Variants in KDM4C observed in about 807,000 individuals in gnomAD.
KDM4C encodes lysine-specific demethylase 4C.
Under a neutral mutation model 129.3 loss-of-function variants are expected in KDM4C, and 81 were observed. That is an observed-to-expected ratio of 0.63 (90% CI 0.52 to 0.75). KDM4C has a LOEUF of 0.75. KDM4C is among the 30% of genes least tolerant of loss of function. The probability of loss-of-function intolerance (pLI) is 0.00; values close to 1 mark genes in which losing one functional copy is unlikely to be tolerated. For synonymous variants in KDM4C, 573 were observed against 456.1 expected (o/e 1.26, Z -3.26); for missense variants, 1,457 against 1,304.0 (o/e 1.12, Z -1.81).
At chr9:6,772,810 A>T (rs1822166859) in intron 1 of KDM4C, among the ~76,000 whole-genome samples, 1 of 147,568 alleles carries the variant, frequency 6.8e-6, no homozygotes. Context: ...CTCCTGCCTC[A>T]GCCTCCTGAG....
At chr9:6,950,907 A>G (rs1423737970) in intron 8 of KDM4C, among the ~76,000 whole-genome samples, 1 of 152,176 alleles carries the variant, frequency 6.6e-6, no homozygotes, top group Non-Finnish European at 1.5e-5. Context: ...ACCTTTCCTT[A>G]AATGTTTCAG....
chr9:7,014,095 T>C, intron 14 of KDM4C, 94 bp downstream of exon 14: 1 of 904,820 alleles, frequency 1.1e-6, no homozygotes, highest in Non-Finnish European at 1.7e-6. Context: ...ATCTGTTGCA[T>C]GGACTATTGG....
At chr9:7,156,884 G>A (rs201368259) in intron 19 of KDM4C, among the ~76,000 whole-genome samples, 1 of 152,142 alleles carries the variant, frequency 6.6e-6, no homozygotes, top group Non-Finnish European at 1.5e-5. Flanking sequence ...TTCCAATTCT[G>A]TGAAGAAAGT....
At chr9:7,046,965 A>C (rs1219526728) in intron 16 of KDM4C, 48 bp downstream of exon 16, 1 of 1,331,604 alleles carries the variant, frequency 7.5e-7, no homozygotes. Context: ...TTCTTTCTCC[A>C]TTCTAGAACC....
In KDM4C at chr9:6,834,819, T is replaced by A. The variant is rs1473450273; in HGVS notation, c.436-14688T>A. 4 of 1,377,692 alleles carry A rather than the reference T, an allele frequency of 2.9e-6. No individual in the cohort carries two copies. In the African/African-American group the frequency reaches 5.7e-5, roughly 20 times the overall value. 85.3% of individuals were successfully genotyped at this position (1,377,692 alleles called of 1,614,324 possible). On this transcript the variant is annotated intron_variant, in intron 4 of 21. Transcript: ENST00000381309. Reference sequence around the variant, plus strand: ...GCCAGCCGCGAGAAGATGACCCAGATCATGTTTGAGACCTTCATCACCCCA... The same window carrying A: ...GCCAGCCGCGAGAAGATGACCCAGAACATGTTTGAGACCTTCATCACCCCA...
chr9:7,158,976 A>G (rs1043029183), intron 19 of KDM4C, among the ~76,000 whole-genome samples: 10 of 152,140 alleles, frequency 6.6e-5, no homozygotes, highest in African/African-American at 2.4e-4. Context: ...GTGGGAGTCT[A>G]AGTCTCTTTG....
At chr9:7,158,030 A>T (rs1253533892) in intron 19 of KDM4C, among the ~76,000 whole-genome samples, 2 of 152,168 alleles carry the variant, frequency 1.3e-5, no homozygotes, top group Non-Finnish European at 2.9e-5. Flanking sequence ...CCCCAATTTC[A>T]GAGCCTGTTA....
At chr9:6,786,198 T>C (rs958541727) in intron 1 of KDM4C, among the ~76,000 whole-genome samples, 2 of 152,166 alleles carry the variant, frequency 1.3e-5, no homozygotes, top group African/African-American at 4.8e-5. Flanking sequence ...GTATTACATT[T>C]GGCCGGAAAG....
chr9:7,104,584 C>T (rs2133161856), intron 18 of KDM4C, among the ~76,000 whole-genome samples: 1 of 148,772 alleles, frequency 6.7e-6, no homozygotes, highest in South Asian at 2.2e-4. Flanking sequence ...GAAATCTTTC[C>T]TGTGTTTTAA....
upstream of KDM4C, chr9:6,757,555 G>T: frequency 1.1e-6 from 1 of 889,254 alleles, no homozygotes; most frequent in South Asian, 5.2e-5. Flanking sequence ...GGAGAGCTGC[G>T]AGCCCCGACT....
chr9:7,019,434 C>T (rs895957293), intron 15 of KDM4C, among the ~76,000 whole-genome samples: 3 of 134,052 alleles, frequency 2.2e-5, no homozygotes, highest in Non-Finnish European at 4.8e-5. Flanking sequence ...AACTCTCATT[C>T]CTAATTCCCT....
intron 8 of KDM4C, among the ~76,000 whole-genome samples, chr9:6,977,106 C>A (rs1418653498): frequency 2.6e-5 from 4 of 152,142 alleles, no homozygotes; most frequent in African/African-American, 9.7e-5. Context: ...CCTCGGCCTC[C>A]CAAAGTTCTG....
At chr9:7,170,082 A>C (rs570939447) in intron 21 of KDM4C, 192 bp downstream of exon 21, 4 of 1,489,892 alleles carry the variant, frequency 2.7e-6, no homozygotes, top group Non-Finnish European at 3.6e-6. Context: ...AAATTAATGC[A>C]TGTGCTTTAC....
intron 8 of KDM4C, among the ~76,000 whole-genome samples, chr9:6,966,725 G>C (rs2131650187): frequency 6.6e-6 from 1 of 151,778 alleles, no homozygotes; most frequent in African/African-American, 2.4e-5. Flanking sequence ...CATCCAGTAG[G>C]GAAAAAAAGT....
chr9:6,737,050 C>CAAAAAAAA (rs566235532), intron 1 of KDM4C, among the ~76,000 whole-genome samples: 1 of 36,394 alleles, frequency 2.7e-5, no homozygotes, highest in African/African-American at 9.5e-5. Context: ...GATTCTGTCT[C>CAAAAAAAA]AAAAAAAAAA....
At chr9:6,924,437 C>G (rs984319321) in intron 8 of KDM4C, among the ~76,000 whole-genome samples, 1 of 152,174 alleles carries the variant, frequency 6.6e-6, no homozygotes, top group African/African-American at 2.4e-5. Context: ...AGAGTGAGGG[C>G]CCAGGGCTGC....
At chr9:6,864,460 T>A (rs1200962409) in intron 5 of KDM4C, among the ~76,000 whole-genome samples, 2 of 152,164 alleles carry the variant, frequency 1.3e-5, no homozygotes, top group East Asian at 3.8e-4. Flanking sequence ...TTTGAGAAAT[T>A]TATTATATGC....
chr9:7,149,521 C>T (rs1378669261), intron 19 of KDM4C, among the ~76,000 whole-genome samples: 1 of 152,242 alleles, frequency 6.6e-6, no homozygotes, highest in Admixed American at 6.5e-5. Flanking sequence ...CACCTGTTCC[C>T]AGCCCCCATG....
At position 7,169,081 on chromosome 9, in the gene KDM4C, T is replaced by C. The variant is rs373742319; in HGVS notation, c.2902-717T>C. On this transcript the variant is annotated intron_variant, in intron 20 of 21. Coordinates refer to ENST00000381309, the MANE Select transcript of KDM4C (RefSeq NM_015061.6). ...AAAAAAAAAAAAAGGAAATATATTA[T>C]CTTTTCTTTCACAGAGAGAAACAAT... Among the ~76,000 whole-genome samples, 73 of 151,302 alleles carry C rather than the reference T, an allele frequency of 4.8e-4. 1 individual carries two copies. The South Asian group carries it at 0.015, about 30-fold the overall frequency.
Sources: gnomAD v4.1 joint callset for allele counts (sites outside exome capture counted in the v4.1 genomes callset) on GRCh38, gnomAD v4.1.1 for gene constraint, MANE v1.5 for transcripts, NCBI Gene and HGNC (gene_info 2026-07-23, HGNC 2026-07-21) for gene names.